The following SLC9B2 variants were observed in gnomAD, a reference collection of about 807,000 sequenced individuals.
The protein encoded by SLC9B2 is solute carrier family 9 member B2.
In SLC9B2, 39 loss-of-function variants were observed where a neutral mutation model predicts 52.2. The observed-to-expected ratio is 0.75, with a 90% confidence interval of 0.58 to 0.98. The LOEUF is 0.98. SLC9B2 is among the 50% of genes least tolerant of loss of function. The pLI is 0.00. For missense variants in SLC9B2, 626 were observed against 637.5 expected (o/e 0.98, Z 0.19); for synonymous variants, 214 against 227.0 (o/e 0.94, Z 0.51).
Position 103,036,829 on chromosome 4 carries a change from A to G in SLC9B2, c.1147-5021T>C, listed in dbSNP as rs147861945. Among the ~76,000 whole-genome samples the G allele has an allele frequency of 2.1e-3, 324 of 152,348 alleles. 2 individuals carry two copies. In the Middle Eastern group the frequency reaches 0.027, roughly 13 times the overall value. ...TACTGTCTAAGAATTTACATAGAAC[A>G]GATTTTCTCATAACTGAAAAGAAGC... On this transcript the variant is annotated intron_variant, in intron 9 of 11. Coordinates refer to ENST00000394785, the MANE Select transcript of SLC9B2 (RefSeq NM_178833.7).
chr4:103,059,008 A>G (rs1399103021), intron 3 of SLC9B2, among the ~76,000 whole-genome samples: 1 of 152,152 alleles, frequency 6.6e-6, no homozygotes, highest in Non-Finnish European at 1.5e-5. Flanking sequence ...TTGAGGATGC[A>G]GTGTGCTACG....
At chr4:103,020,339 GA>G, downstream of SLC9B2, 1 of 451,640 alleles carries the variant, frequency 2.2e-6, no homozygotes, top group Non-Finnish European at 4.4e-6. Flanking sequence ...GGTGGGCCCA[GA>G]AGCTTTGGCC....
intron 1 of SLC9B2, among the ~76,000 whole-genome samples, chr4:103,072,271 C>T (rs995686446): frequency 6.6e-6 from 1 of 151,814 alleles, no homozygotes; most frequent in Non-Finnish European, 1.5e-5. Context: ...GTTGGCCAGG[C>T]TGGTCTCAAA....
At chr4:103,054,266 A>AC (rs1328431384) in intron 4 of SLC9B2, among the ~76,000 whole-genome samples, 1 of 152,134 alleles carries the variant, frequency 6.6e-6, no homozygotes, top group Non-Finnish European at 1.5e-5. Context: ...GGCAAATGAG[A>AC]CCCTGTCTCA....
chr4:103,040,851 C>G (rs1743573609), intron 9 of SLC9B2, among the ~76,000 whole-genome samples: 3 of 152,210 alleles, frequency 2.0e-5, no homozygotes, highest in African/African-American at 7.2e-5. Context: ...CTGGCAGCAT[C>G]AGCCTCATCT....
At chr4:103,068,860 T>C (rs547555965) in intron 1 of SLC9B2, among the ~76,000 whole-genome samples, 2 of 152,216 alleles carry the variant, frequency 1.3e-5, no homozygotes, top group East Asian at 3.9e-4. Context: ...CAAGGATGAA[T>C]TAGACAGGAC....
At chr4:103,053,812 C>T (rs995110941) in intron 4 of SLC9B2, among the ~76,000 whole-genome samples, 1 of 152,054 alleles carries the variant, frequency 6.6e-6, no homozygotes, top group Non-Finnish European at 1.5e-5. Flanking sequence ...AAGTGATTCT[C>T]CTGCCTCAGC....
At chr4:103,066,899 G>A (rs1030570578) in intron 2 of SLC9B2, among the ~76,000 whole-genome samples, 5 of 151,414 alleles carry the variant, frequency 3.3e-5, no homozygotes, top group African/African-American at 1.2e-4. Flanking sequence ...ATTACCTTCG[G>A]ATTACCTGTA....
At chr4:103,061,936 G>C (rs762001111) in intron 3 of SLC9B2, among the ~76,000 whole-genome samples, 2 of 152,108 alleles carry the variant, frequency 1.3e-5, no homozygotes, top group Non-Finnish European at 2.9e-5. Context: ...GATTTTCTAG[G>C]CTTATGATAC....
In SLC9B2 at chr4:103,023,279, G is replaced by A. The variant is rs965710272; in HGVS notation, c.*3091C>T. Among the ~76,000 whole-genome samples the A allele has an allele frequency of 2.0e-5, 3 of 152,150 alleles. No homozygotes were observed. The highest frequency in any genetic ancestry group is 7.2e-5 in the African/African-American group (3 of 41,406). On this transcript the variant is annotated 3_prime_UTR_variant, in exon 12 of 12. Transcript: ENST00000394785. The stretch of plus-strand genomic sequence containing the variant: ...TTAAGACAAGGTTCCTACCCATAGG[G>A]AGCTGATTTAATAAGAGACAAACAT...
At chr4:103,057,706 G>A in intron 4 of SLC9B2, 95 bp downstream of exon 4, 1 of 1,375,802 alleles carries the variant, frequency 7.3e-7, no homozygotes, top group Non-Finnish European at 9.9e-7. Flanking sequence ...GGCAAATACA[G>A]AAATATTTTA....
chr4:103,025,150 A>C lies in SLC9B2; in HGVS notation c.*1220T>G, dbSNP rs1742093152. ...TCAATACCAATAAATGTAGGAAAAG[A>C]GATGTGTCCAACTTCCACATCACTT... is the stretch of plus-strand genomic sequence containing the variant. On this transcript the variant is annotated 3_prime_UTR_variant, in exon 12 of 12. Transcript: ENST00000394785. Among the ~76,000 whole-genome samples, 1 of 152,202 alleles carries C rather than the reference A, an allele frequency of 6.6e-6. No homozygotes were observed. The highest frequency in any genetic ancestry group is 1.5e-5 in the Non-Finnish European group (1 of 68,034).
intron 4 of SLC9B2, among the ~76,000 whole-genome samples, chr4:103,050,744 T>C (rs2110621914): frequency 6.6e-6 from 1 of 152,368 alleles, no homozygotes; most frequent in Admixed American, 6.5e-5. Flanking sequence ...TTATTTGCTA[T>C]GTCAGATTAC....
At chr4:103,019,472 A>G, downstream of SLC9B2, 1 of 562,834 alleles carries the variant, frequency 1.8e-6, no homozygotes, top group Non-Finnish European at 2.3e-6. Context: ...AGAAGAGCCC[A>G]AGAATCCCAT....
Position 103,059,816 on chromosome 4 carries a change from T to C in SLC9B2, c.272-1845A>G, listed in dbSNP as rs188670536. ...AAACACTCTGTATCACAGCATGTTG[T>C]ATTTCTCAGGAGAATCTGTTACAGT... On this transcript the variant is annotated intron_variant, in intron 3 of 11. Coordinates refer to ENST00000394785, the MANE Select transcript of SLC9B2 (RefSeq NM_178833.7). Among the ~76,000 whole-genome samples, 559 of 152,346 alleles carry C rather than the reference T, an allele frequency of 3.7e-3. 1 individual carries two copies. The highest frequency in any genetic ancestry group is 6.8e-3 in the Admixed American group (104 of 15,306).
chr4:103,048,598 C>T, intron 6 of SLC9B2: 1 of 238,374 alleles, frequency 4.2e-6, no homozygotes, highest in Non-Finnish European at 8.4e-6. Context: ...TGTTTATTAT[C>T]CTTTGTGCAG....
chr4:103,044,691 G>A (rs1743950376), intron 8 of SLC9B2, among the ~76,000 whole-genome samples, 199 bp downstream of exon 8: 1 of 152,066 alleles, frequency 6.6e-6, no homozygotes, highest in South Asian at 2.1e-4. Context: ...AATATAATAC[G>A]GGAACCCATT....
chr4:103,042,466 A>G (rs538768153), intron 9 of SLC9B2: 29 of 152,182 alleles, frequency 1.9e-4, no homozygotes, highest in Admixed American at 9.2e-4. Context: ...ATTCTTAATA[A>G]TCTTGAAAAT....
At chr4:103,019,083 T>C (rs1433979922), downstream of SLC9B2, among the ~76,000 whole-genome samples, 1 of 152,114 alleles carries the variant, frequency 6.6e-6, no homozygotes, top group Non-Finnish European at 1.5e-5. Context: ...GCCAAAAAGG[T>C]TGGGGACTGC....
Sources: allele counts gnomAD v4.1 joint callset (sites outside exome capture counted in the v4.1 genomes callset), GRCh38; gene constraint gnomAD v4.1.1; transcripts MANE v1.5; gene names NCBI Gene and HGNC (gene_info 2026-07-23, HGNC 2026-07-21).